Variants in HACE1 observed in about 807,000 individuals in gnomAD.
HACE1 encodes the protein E3 ubiquitin-protein ligase HACE1.
Under a neutral mutation model 118.4 loss-of-function variants are expected in HACE1, and 73 were observed. That is an observed-to-expected ratio of 0.62 (90% confidence interval 0.51 to 0.75). The LOEUF (loss-of-function observed/expected upper bound fraction) is 0.75. Ranked by LOEUF, HACE1 falls within the 30% of genes least tolerant of loss-of-function variation. The pLI is 0.00. For missense variants in HACE1, 749 were observed against 1,102.2 expected, an observed-to-expected ratio of 0.68 and a Z score of 4.54; for synonymous variants, 368 against 374.8, an observed-to-expected ratio of 0.98 and a Z score of 0.21.
At chr6:104,844,855 G>A (rs1203595403) in intron 4 of HACE1, among the ~76,000 whole-genome samples, 2 of 151,090 alleles carry the variant, frequency 1.3e-5, no homozygotes, top group South Asian at 2.1e-4. Context: ...GTAGAGACTG[G>A]GTTTCACCAC....
At chr6:104,749,410 A>G (rs6571204) in intron 20 of HACE1, among the ~76,000 whole-genome samples, 2,480 of 152,260 alleles carry the variant, frequency 0.016, 80 homozygotes, top group African/African-American at 0.057. Flanking sequence ...AAAATTAATT[A>G]GCAAATTTTA....
At chr6:104,819,744 A>G (rs1213890486) in intron 6 of HACE1, among the ~76,000 whole-genome samples, 8 of 152,196 alleles carry the variant, frequency 5.3e-5, no homozygotes, top group African/African-American at 1.9e-4. Flanking sequence ...CACTCTGACA[A>G]CTATCTGATC....
intron 11 of HACE1, among the ~76,000 whole-genome samples, chr6:104,791,200 C>T (rs1327468597): frequency 6.6e-6 from 1 of 152,080 alleles, no homozygotes; most frequent in Non-Finnish European, 1.5e-5. Context: ...AGCATGGTGG[C>T]TGCATATTAC....
intron 1 of HACE1, among the ~76,000 whole-genome samples, chr6:104,853,352 C>CA (rs1415001415): frequency 1.3e-5 from 2 of 152,138 alleles, no homozygotes; most frequent in Non-Finnish European, 2.9e-5. Context: ...AATAAATTCA[C>CA]AAAAACATGA....
chr6:104,784,572 C>CCTG, intron 12 of HACE1, 87 bp from the exon 13 acceptor site: 1 of 904,008 alleles, frequency 1.1e-6, no homozygotes, highest in Non-Finnish European at 1.7e-6. Flanking sequence ...CTGAACTGGA[C>CCTG]TGGCTTCTAA....
At chr6:104,787,040 T>G (rs922321841) in intron 11 of HACE1, 10 of 152,218 alleles carry the variant, frequency 6.6e-5, no homozygotes, top group Admixed American at 5.9e-4. Flanking sequence ...TTCTGTAATA[T>G]TCTCTTTTTG....
intron 1 of HACE1, among the ~76,000 whole-genome samples, chr6:104,854,493 A>C (rs1776532100): frequency 6.6e-6 from 1 of 152,168 alleles, no homozygotes; most frequent in Admixed American, 6.5e-5. Context: ...TAAGTTTAAA[A>C]TTACTTTAAA....
intron 5 of HACE1, among the ~76,000 whole-genome samples, chr6:104,840,335 T>C (rs1261995330): frequency 6.6e-6 from 1 of 152,148 alleles, no homozygotes; most frequent in Non-Finnish European, 1.5e-5. Flanking sequence ...AAAAATGATC[T>C]AACTAAAATT....
intron 20 of HACE1, among the ~76,000 whole-genome samples, chr6:104,746,769 T>C (rs1206698217): frequency 1.3e-5 from 2 of 152,192 alleles, no homozygotes; most frequent in Non-Finnish European, 2.9e-5. Flanking sequence ...AGAAATTCTG[T>C]TCCCTGACAG....
At chr6:104,731,422 A>T (rs1282486241) in intron 22 of HACE1, 4 of 152,142 alleles carry the variant, frequency 2.6e-5, no homozygotes, top group Non-Finnish European at 5.9e-5. Flanking sequence ...CAGTCTAGAA[A>T]AAAAAGAACA....
At chr6:104,774,762 T>C (rs1472691266) in intron 17 of HACE1, among the ~76,000 whole-genome samples, 1 of 152,196 alleles carries the variant, frequency 6.6e-6, no homozygotes, top group Non-Finnish European at 1.5e-5. Context: ...ATCAAAAGAA[T>C]AGCAGTCAAG....
At chr6:104,844,807 C>T (rs568969425) in intron 4 of HACE1, among the ~76,000 whole-genome samples, 72 of 152,142 alleles carry the variant, frequency 4.7e-4, no homozygotes, top group Admixed American at 3.7e-3. Flanking sequence ...GGATTACAGG[C>T]GCCCGCCACC....
At chr6:104,755,512 T>C (rs543883451) in intron 19 of HACE1, among the ~76,000 whole-genome samples, 4 of 152,176 alleles carry the variant, frequency 2.6e-5, no homozygotes, top group Non-Finnish European at 4.4e-5. Flanking sequence ...TATTCTGAAA[T>C]TGATCACATA....
intron 5 of HACE1, among the ~76,000 whole-genome samples, chr6:104,833,995 T>C (rs1774272563): frequency 6.6e-6 from 1 of 151,806 alleles, no homozygotes; most frequent in Non-Finnish European, 1.5e-5. Flanking sequence ...AAAAAAAAAA[T>C]TAGCTGGCCA....
chr6:104,800,244 G>C (rs1770168265), intron 7 of HACE1, among the ~76,000 whole-genome samples: 1 of 152,158 alleles, frequency 6.6e-6, no homozygotes, highest in Admixed American at 6.5e-5. Context: ...CTGCAGCTCA[G>C]CAAGGCCTAC....
At chr6:104,757,638 C>G (rs1292429044) in intron 19 of HACE1, among the ~76,000 whole-genome samples, 3 of 152,168 alleles carry the variant, frequency 2.0e-5, no homozygotes, top group African/African-American at 7.2e-5. Flanking sequence ...CACCTCTTCA[C>G]CTCCAAAGGA....
At chr6:104,790,582 A>T (rs1412437882) in intron 11 of HACE1, among the ~76,000 whole-genome samples, 1 of 152,064 alleles carries the variant, frequency 6.6e-6, no homozygotes. Flanking sequence ...GCAAAGCCCC[A>T]TCTCTAACAA....
chr6:104,808,154 C>T (rs1478935775), intron 7 of HACE1, among the ~76,000 whole-genome samples: 1 of 151,670 alleles, frequency 6.6e-6, no homozygotes, highest in Non-Finnish European at 1.5e-5. Context: ...CCACTGCACT[C>T]CACCCTGGGC....
At chr6:104,808,360 G>A (rs1771248361) in intron 7 of HACE1, among the ~76,000 whole-genome samples, 1 of 152,158 alleles carries the variant, frequency 6.6e-6, no homozygotes, top group South Asian at 2.1e-4. Flanking sequence ...TCTGCAGCAT[G>A]CTTTATAGAA....
Sources: allele counts gnomAD v4.1 joint callset (sites outside exome capture counted in the v4.1 genomes callset), GRCh38; gene constraint gnomAD v4.1.1; transcripts MANE v1.5; gene names NCBI Gene and HGNC (gene_info 2026-07-23, HGNC 2026-07-21).